PSD2: variants seen among roughly 807,000 people sequenced by gnomAD.
PSD2 encodes the protein pleckstrin and Sec7 domain containing 2.
In PSD2, 38 loss-of-function variants were observed where a neutral mutation model predicts 69.8. That is an observed-to-expected ratio of 0.54 (90% CI 0.42 to 0.71). The LOEUF is 0.71. Ranked by LOEUF, PSD2 falls within the 30% of genes least tolerant of loss-of-function variation. PSD2 has a pLI of 0.00. For synonymous variants in PSD2, 412 were observed against 423.0 expected (o/e 0.97, Z 0.32); for missense variants, 943 against 1,014.5 (o/e 0.93, Z 0.96).
upstream of PSD2, among the ~76,000 whole-genome samples, chr5:139,794,937 A>AG (rs994678201): frequency 6.6e-6 from 1 of 152,078 alleles, no homozygotes; most frequent in African/African-American, 2.4e-5. Flanking sequence ...TCCTGGGCTG[A>AG]GGGGGGCGGC....
intron 1 of PSD2, 86 bp from the exon 2 acceptor site, chr5:139,809,305 G>C (rs923528026): frequency 1.9e-6 from 2 of 1,045,752 alleles, no homozygotes; most frequent in African/African-American, 3.3e-5. Context: ...CAGGCAGGCT[G>C]CTCTGCCACT....
At chr5:139,785,869 G>A in the PSD2 span, among the ~76,000 whole-genome samples, 1 of 152,302 alleles carries the variant, frequency 6.6e-6, no homozygotes, top group Non-Finnish European at 1.5e-5. Context: ...TGGGAAGATC[G>A]CTTGAGGTCA....
the PSD2 span, among the ~76,000 whole-genome samples, chr5:139,751,328 A>T: frequency 6.6e-6 from 1 of 151,650 alleles, no homozygotes; most frequent in African/African-American, 2.4e-5. Context: ...TCTGCCAGCT[A>T]CTCTTGGTTC....
At chr5:139,781,154 C>T in the PSD2 span, among the ~76,000 whole-genome samples, 1 of 152,126 alleles carries the variant, frequency 6.6e-6, no homozygotes, top group Non-Finnish European at 1.5e-5. Context: ...AACAAAAACC[C>T]TATGGACCAG....
At chr5:139,750,431 T>TTTTC in the PSD2 span, among the ~76,000 whole-genome samples, 2 of 152,104 alleles carry the variant, frequency 1.3e-5, no homozygotes, top group Admixed American at 6.5e-5. Context: ...CTCTCCTCCC[T>TTTTC]TTTCCTAGCC....
chr5:139,800,030 C>A (rs1469073799), intron 1 of PSD2, among the ~76,000 whole-genome samples: 2 of 152,184 alleles, frequency 1.3e-5, no homozygotes, highest in African/African-American at 4.8e-5. Context: ...GAAAGAAGAG[C>A]CACACATAGC....
chr5:139,775,401 C>G, the PSD2 span: 1 of 152,280 alleles, frequency 6.6e-6, no homozygotes, highest in African/African-American at 2.4e-5. Flanking sequence ...GCGGCACTCT[C>G]GGTTTGGCTC....
At chr5:139,801,262 C>G (rs1001996218) in intron 1 of PSD2, among the ~76,000 whole-genome samples, 12 of 151,906 alleles carry the variant, frequency 7.9e-5, no homozygotes, top group African/African-American at 2.2e-4. Flanking sequence ...GAAGGGTTGT[C>G]TAGACTCATT....
the PSD2 span, chr5:139,745,394 T>C: frequency 3.3e-5 from 5 of 152,492 alleles, no homozygotes; most frequent in East Asian, 9.6e-4. Flanking sequence ...CCACCACATT[T>C]GCCCATTAAC....
At chr5:139,751,853 G>A in the PSD2 span, among the ~76,000 whole-genome samples, 4 of 147,208 alleles carry the variant, frequency 2.7e-5, no homozygotes, top group African/African-American at 1.0e-4. Context: ...GAGTGCTGTA[G>A]CATGATCTCT....
intron 8 of PSD2, among the ~76,000 whole-genome samples, chr5:139,834,756 G>A (rs1216769356): frequency 7.9e-5 from 12 of 152,036 alleles, no homozygotes; most frequent in South Asian, 4.2e-4. Flanking sequence ...ATTGAGAAGC[G>A]TTTGTTAAGA....
chr5:139,820,661 A>C (rs1760236874), intron 5 of PSD2, among the ~76,000 whole-genome samples: 1 of 152,212 alleles, frequency 6.6e-6, no homozygotes, highest in Non-Finnish European at 1.5e-5. Context: ...AGACTGATGG[A>C]GACACCAATG....
chr5:139,796,533 C>A (rs1439025383), intron 1 of PSD2, among the ~76,000 whole-genome samples: 1 of 152,216 alleles, frequency 6.6e-6, no homozygotes, highest in African/African-American at 2.4e-5. Flanking sequence ...CGGGGGCTCG[C>A]ACGGGGGCGT....
At chr5:139,836,103 G>A (rs1484415227) in intron 9 of PSD2, among the ~76,000 whole-genome samples, 2 of 152,366 alleles carry the variant, frequency 1.3e-5, no homozygotes, top group South Asian at 2.1e-4. Context: ...GCAGACAGGA[G>A]GCATGAGGCC....
At chr5:139,824,862 G>C (rs1016900851) in intron 7 of PSD2, among the ~76,000 whole-genome samples, 1 of 152,114 alleles carries the variant, frequency 6.6e-6, no homozygotes, top group Non-Finnish European at 1.5e-5. Context: ...ATCAAGCAGG[G>C]ACTGAGGCCT....
At chr5:139,790,919 G>C (rs1368479073), upstream of PSD2, among the ~76,000 whole-genome samples, 2 of 151,734 alleles carry the variant, frequency 1.3e-5, no homozygotes, top group Non-Finnish European at 2.9e-5. Flanking sequence ...TGGGTGGGGG[G>C]GAGCGCCTAT....
At chr5:139,799,266 G>C (rs1759607021) in intron 1 of PSD2, among the ~76,000 whole-genome samples, 1 of 152,124 alleles carries the variant, frequency 6.6e-6, no homozygotes. Context: ...CTGCGCACCA[G>C]GTCAGCAAAT....
At chr5:139,748,125 C>CG in the PSD2 span, among the ~76,000 whole-genome samples, 1 of 152,114 alleles carries the variant, frequency 6.6e-6, no homozygotes, top group Admixed American at 6.5e-5. Flanking sequence ...ACGTGACCCC[C>CG]GGGGCCCCAG....
the PSD2 span, among the ~76,000 whole-genome samples, chr5:139,784,672 C>T: frequency 6.6e-6 from 1 of 152,146 alleles, no homozygotes; most frequent in Non-Finnish European, 1.5e-5. Context: ...ATGAACATGC[C>T]CAGCATATTC....
Sources: gnomAD v4.1 joint callset for allele counts (sites outside exome capture counted in the v4.1 genomes callset) on GRCh38, gnomAD v4.1.1 for gene constraint, MANE v1.5 for transcripts, NCBI Gene and HGNC (gene_info 2026-07-23, HGNC 2026-07-21) for gene names.